NBAS: variants seen among roughly 807,000 people sequenced by gnomAD.
NBAS encodes the protein NBAS subunit of NRZ tethering complex, also known as NAG/BC035112 fusion.
In NBAS, 219 loss-of-function variants were observed where a neutral mutation model predicts 302.5. The observed-to-expected ratio is 0.72, with a 90% CI of 0.65 to 0.81. The LOEUF is 0.81. NBAS is among the 30% of genes least tolerant of loss of function. NBAS has a pLI of 0.00. For missense variants in NBAS, 2,932 were observed against 2,841.6 expected, an observed-to-expected ratio of 1.03 and a Z score of -0.72; for synonymous variants, 1,118 against 1,021.6, an observed-to-expected ratio of 1.09 and a Z score of -1.80.
the NBAS span, among the ~76,000 whole-genome samples, chr2:14,782,231 A>G: frequency 6.6e-6 from 1 of 152,208 alleles, no homozygotes; most frequent in African/African-American, 2.4e-5. Context: ...TTCCTAAGCT[A>G]GGAAGCATTC....
rs375492329 is a variant in NBAS, at chr2:15,370,977, G to A, written c.3703+3631C>T. 5.3e-5 allele frequency among the ~76,000 whole-genome samples: 8 copies of A among 152,050 alleles called. No homozygotes were observed. In the East Asian group the frequency reaches 1.4e-3, roughly 26 times the overall value. Reference sequence around the variant, plus strand: ...GGACATGAGATCTAGAAGGGGCCGGGGTGAAATGATATGGTTAGGCTCTGT... The same window carrying A: ...GGACATGAGATCTAGAAGGGGCCGGAGTGAAATGATATGGTTAGGCTCTGT... On this transcript the variant is annotated intron_variant, in intron 31 of 51. Transcript: ENST00000281513.
At chr2:14,857,872 G>A in the NBAS span, among the ~76,000 whole-genome samples, 59 of 152,186 alleles carry the variant, frequency 3.9e-4, no homozygotes, top group Non-Finnish European at 7.5e-4. Flanking sequence ...TACAGTCAAC[G>A]AAGTGAAGAG....
intron 48 of NBAS, among the ~76,000 whole-genome samples, chr2:15,199,135 AAAAAAAAAAAGAGTTAG>A (rs1665759550): frequency 6.6e-6 from 1 of 151,708 alleles, no homozygotes; most frequent in Non-Finnish European, 1.5e-5. Context: ...TCAAAAAAAA[AAAAAAAAAAAGAGTTAG>A]AAAAATTAAC....
intron 31 of NBAS, among the ~76,000 whole-genome samples, chr2:15,369,435 A>G (rs1242676676): frequency 6.6e-6 from 1 of 152,208 alleles, no homozygotes; most frequent in African/African-American, 2.4e-5. Flanking sequence ...CACTACTAAT[A>G]TTTGAAGTAC....
rs1277953347 is a variant in NBAS, at chr2:15,424,440, C to G, written c.2452G>C (p.Glu818Gln). Reference protein sequence around the residue: ...RMVVEPNLQDESEFLYAAQPE... With the variant: ...RMVVEPNLQDQSEFLYAAQPE... ...TGTGCAGCATACAAGAATTCACTTTCATCTTGGAGATTCGGCTCAACAACC... is the reference window on the plus strand; with the variant it reads ...TGTGCAGCATACAAGAATTCACTTTGATCTTGGAGATTCGGCTCAACAACC... Residue 818 changes from glutamate to glutamine, a missense_variant, in exon 23 of 52, where the codon GAA (glutamate) becomes CAA (glutamine). Physicochemically the swap from Glu to Gln is conservative, Grantham distance 29. Transcript: ENST00000281513. The G allele has an allele frequency of 5.6e-6, 9 of 1,614,000 alleles. No homozygotes were observed. Among genetic ancestry groups the G allele is most frequent in the Non-Finnish European group, 7.6e-6 (9 of 1,180,002 alleles).
intron 27 of NBAS, 38 bp downstream of exon 27, chr2:15,396,375 T>C (rs1412776944): frequency 6.6e-7 from 1 of 1,521,482 alleles, no homozygotes. Flanking sequence ...ATTCCCTTAA[T>C]AAGCATGGAG....
chr2:14,891,336 A>ATT, the NBAS span, among the ~76,000 whole-genome samples: 1 of 150,246 alleles, frequency 6.7e-6, no homozygotes, highest in African/African-American at 2.4e-5. Context: ...AAAATGTTTG[A>ATT]TTTTTTTTTT....
the NBAS span, among the ~76,000 whole-genome samples, chr2:14,949,038 A>G: frequency 6.6e-6 from 1 of 152,166 alleles, no homozygotes; most frequent in African/African-American, 2.4e-5. Flanking sequence ...CTGAATAACC[A>G]TTTCAGAAGA....
the NBAS span, among the ~76,000 whole-genome samples, chr2:14,999,680 A>T: frequency 6.6e-6 from 1 of 152,176 alleles, no homozygotes; most frequent in Non-Finnish European, 1.5e-5. Context: ...TGGAACTGTG[A>T]GTCAATTAAA....
the NBAS span, among the ~76,000 whole-genome samples, chr2:14,784,694 C>A: frequency 6.6e-6 from 1 of 152,066 alleles, no homozygotes; most frequent in Non-Finnish European, 1.5e-5. Flanking sequence ...GTTTTGGTAC[C>A]AGTACCATGC....
In NBAS at chr2:15,379,756, C is replaced by A; in HGVS notation, c.3436G>T (p.Ala1146Ser). The A allele has an allele frequency of 6.2e-7, 1 of 1,614,036 alleles. No homozygotes were observed. The highest frequency in any genetic ancestry group is 8.5e-7 in the Non-Finnish European group (1 of 1,179,982). Residue 1146 changes from alanine (A) to serine (S), a missense_variant, in exon 30 of 52, where the codon GCT (alanine) becomes TCT (serine). Physicochemically the swap from Ala to Ser is moderately conservative, Grantham distance 99 (BLOSUM62 1). Coordinates refer to ENST00000281513, the MANE Select transcript of NBAS (RefSeq NM_015909.4). The part of the protein sequence containing the change: ...HLAGQMMHCS[A>S]CSENPPAGIA... ...CCAGCTGGAGGATTTTCTGAACAAG[C>A]ACTGCAGTGCATCATCTGTCCAGCC...
At chr2:15,476,059 G>A (rs765201669) in intron 13 of NBAS, among the ~76,000 whole-genome samples, 179 bp from the exon 14 acceptor site, 2 of 152,118 alleles carry the variant, frequency 1.3e-5, no homozygotes, top group Non-Finnish European at 2.9e-5. Context: ...ACTCTATGAG[G>A]TATAAAATGT....
intron 42 of NBAS, among the ~76,000 whole-genome samples, chr2:15,281,601 AG>A (rs1309477976): frequency 6.6e-6 from 1 of 152,194 alleles, no homozygotes; most frequent in Admixed American, 6.5e-5. Flanking sequence ...TCAATCTCAC[AG>A]CAGTTCTGCA....
chr2:15,517,282 G>T (rs1170338957), intron 9 of NBAS, among the ~76,000 whole-genome samples: 3 of 151,990 alleles, frequency 2.0e-5, no homozygotes, highest in Admixed American at 6.6e-5. Context: ...GTAGTTTTTT[G>T]ATCCCCACAG....
chr2:15,479,503 C>T (rs1260078817), intron 12 of NBAS, among the ~76,000 whole-genome samples: 1 of 152,076 alleles, frequency 6.6e-6, no homozygotes, highest in East Asian at 1.9e-4. Flanking sequence ...TTGGAGTACA[C>T]AAGGGAAATA....
At chr2:15,526,386 A>T (rs901280831) in intron 9 of NBAS, among the ~76,000 whole-genome samples, 1 of 152,230 alleles carries the variant, frequency 6.6e-6, no homozygotes, top group Non-Finnish European at 1.5e-5. Context: ...AACATTAGGC[A>T]AAACGATGAA....
intron 10 of NBAS, among the ~76,000 whole-genome samples, chr2:15,507,151 A>G (rs1661896115): frequency 6.6e-6 from 1 of 152,224 alleles, no homozygotes; most frequent in Admixed American, 6.5e-5. Flanking sequence ...ATGTAAGATG[A>G]ATATCCTTCA....
chr2:15,147,747 T>A, the NBAS span, among the ~76,000 whole-genome samples: 1 of 152,096 alleles, frequency 6.6e-6, no homozygotes, highest in Non-Finnish European at 1.5e-5. Flanking sequence ...TTACTCATCA[T>A]CTCTCATTTA....
At chr2:15,551,857 T>C (rs147462569) in intron 5 of NBAS, among the ~76,000 whole-genome samples, 3 of 152,178 alleles carry the variant, frequency 2.0e-5, no homozygotes, top group Non-Finnish European at 4.4e-5. Context: ...TCAAGAAATG[T>C]GGGATGGGGC....
Sources: gnomAD v4.1 joint callset for allele counts (sites outside exome capture counted in the v4.1 genomes callset) on GRCh38, gnomAD v4.1.1 for gene constraint, MANE v1.5 for transcripts, NCBI Gene and HGNC (gene_info 2026-07-23, HGNC 2026-07-21) for gene names.